Variants in MRPS6 observed in about 807,000 individuals in gnomAD.
MRPS6 encodes mitochondrial ribosomal protein S6, also known as small ribosomal subunit protein bS6m.
Under a neutral mutation model 13.1 loss-of-function variants are expected in MRPS6, and 6 were observed. That is an observed-to-expected ratio of 0.46 (90% CI 0.25 to 0.91). MRPS6 has a LOEUF of 0.91. Ranked by LOEUF, MRPS6 falls within the 40% of genes least tolerant of loss-of-function variation. The probability of loss-of-function intolerance (pLI) is 0.18; values close to 1 mark genes in which losing one functional copy is unlikely to be tolerated. For synonymous variants in MRPS6, 61 were observed against 56.5 expected, an observed-to-expected ratio of 1.08 and a Z score of -0.36; for missense variants, 164 against 155.6, an observed-to-expected ratio of 1.05 and a Z score of -0.29.
intron 1 of MRPS6, chr21:34,095,617 C>T: frequency 1.9e-6 from 3 of 1,613,680 alleles, no homozygotes; most frequent in Non-Finnish European, 2.5e-6. Context: ...ACCAAGCTCT[C>T]GGTGGATCTG....
intron 1 of MRPS6, among the ~76,000 whole-genome samples, chr21:34,112,680 A>G (rs892770362): frequency 2.6e-5 from 4 of 152,146 alleles, no homozygotes; most frequent in South Asian, 2.1e-4. Flanking sequence ...TCCTCTGTCT[A>G]TGATTATATA....
At chr21:34,084,331 C>T (rs1022748947) in intron 1 of MRPS6, among the ~76,000 whole-genome samples, 1 of 152,036 alleles carries the variant, frequency 6.6e-6, no homozygotes, top group Non-Finnish European at 1.5e-5. Flanking sequence ...TGAGCAGAAG[C>T]GATTTCCTTC....
At position 34,090,563 on chromosome 21, in the gene MRPS6, G is replaced by T. The variant is rs2898205; in HGVS notation, c.45+16818G>T. Reference sequence around the variant, plus strand: ...TAATCTTTCTATATATAAATAACTTGGGAAAATCCTAATATGCCTTGCACA... The same window carrying T: ...TAATCTTTCTATATATAAATAACTTTGGAAAATCCTAATATGCCTTGCACA... On this transcript the variant is annotated intron_variant, in intron 1 of 2. Coordinates refer to ENST00000399312, the MANE Select transcript of MRPS6 (RefSeq NM_032476.4). 1.2e-3 allele frequency among the ~76,000 whole-genome samples: 188 copies of T among 152,126 alleles called. 5 individuals carry two copies. The East Asian group carries it at 0.026, about 21-fold the overall frequency.
In MRPS6 at chr21:34,096,454, T is replaced by G; in HGVS notation, c.45+22709T>G. ...GGGAGGATATTTGTGGCATTTATGG[T>G]GGTGATCAGCATAGCATGGGTGCCA... On this transcript the variant is annotated intron_variant, in intron 1 of 2. Transcript: ENST00000399312. This position sits in a 1 kb window ranked among gnomAD's most constrained non-coding sequence, Gnocchi z 5.9. 6.2e-7 allele frequency: 1 copy of G among 1,614,160 alleles called. No individual in the cohort carries two copies. Among genetic ancestry groups the G allele is most frequent in the Non-Finnish European group, 8.5e-7 (1 of 1,180,014 alleles).
At chr21:34,109,309 C>T (rs1979604894) in intron 1 of MRPS6, among the ~76,000 whole-genome samples, 2 of 152,110 alleles carry the variant, frequency 1.3e-5, no homozygotes, top group Admixed American at 6.6e-5. Context: ...GGGTGGAGCA[C>T]GCTGGCATCA....
intron 1 of MRPS6, among the ~76,000 whole-genome samples, chr21:34,117,307 C>T (rs1569422282): frequency 6.6e-6 from 1 of 152,118 alleles, no homozygotes; most frequent in Non-Finnish European, 1.5e-5. Flanking sequence ...TTAGTTCAGA[C>T]CCACTCTGAG....
At chr21:34,074,861 C>T (rs958179322) in intron 1 of MRPS6, among the ~76,000 whole-genome samples, 2 of 152,164 alleles carry the variant, frequency 1.3e-5, no homozygotes, top group African/African-American at 4.8e-5. Context: ...CTAACAATCA[C>T]GGAGCGTCGG....
intron 1 of MRPS6, among the ~76,000 whole-genome samples, chr21:34,118,545 CT>C (rs1255716155): frequency 6.9e-6 from 1 of 144,390 alleles, no homozygotes; most frequent in Non-Finnish European, 1.5e-5. Flanking sequence ...CTCCACATTT[CT>C]TTCTTTCTTT....
At chr21:34,088,566 G>A (rs1253214757) in intron 1 of MRPS6, among the ~76,000 whole-genome samples, 1 of 152,100 alleles carries the variant, frequency 6.6e-6, no homozygotes. Context: ...TTTTAAACAC[G>A]CATGATCTTT....
At chr21:34,105,711 A>G (rs923120595) in intron 1 of MRPS6, 1 of 998,352 alleles carries the variant, frequency 1.0e-6, no homozygotes, top group African/African-American at 1.7e-5. Flanking sequence ...TGAATTGTAA[A>G]TGGATTTCCA....
intron 2 of MRPS6, among the ~76,000 whole-genome samples, chr21:34,133,186 C>A (rs1033406186): frequency 2.0e-5 from 3 of 152,192 alleles, no homozygotes; most frequent in African/African-American, 7.2e-5. Context: ...TTATGAAAGA[C>A]ACTTCTTTTT....
At chr21:34,090,714 T>C (rs186527384) in intron 1 of MRPS6, among the ~76,000 whole-genome samples, 7 of 152,312 alleles carry the variant, frequency 4.6e-5, no homozygotes, top group African/African-American at 1.7e-4. Context: ...CTCTGTTACT[T>C]ATTCCTTATA....
intron 1 of MRPS6, among the ~76,000 whole-genome samples, chr21:34,092,779 A>G (rs77389469): frequency 9.3e-4 from 141 of 152,286 alleles, no homozygotes; most frequent in Middle Eastern, 3.4e-3. Context: ...CCCAACGGCC[A>G]GATGAAACCA....
chr21:34,086,266 A>G (rs1322150593), intron 1 of MRPS6, among the ~76,000 whole-genome samples: 3 of 152,322 alleles, frequency 2.0e-5, no homozygotes, highest in Middle Eastern at 3.4e-3. Flanking sequence ...GGGATAGATC[A>G]CATCAAGAGG....
chr21:34,097,043 A>G, intron 1 of MRPS6: 1 of 1,614,152 alleles, frequency 6.2e-7, no homozygotes, highest in South Asian at 1.1e-5. Context: ...AGGGCAACCC[A>G]GTGGCATCCT....
intron 2 of MRPS6, among the ~76,000 whole-genome samples, chr21:34,140,132 T>C (rs1980858030): frequency 6.6e-6 from 1 of 152,144 alleles, no homozygotes; most frequent in African/African-American, 2.4e-5. Flanking sequence ...TTTGGGGATT[T>C]CTCCTCTCTC....
At chr21:34,086,904 G>A (rs1978417583) in intron 1 of MRPS6, among the ~76,000 whole-genome samples, 1 of 152,154 alleles carries the variant, frequency 6.6e-6, no homozygotes, top group Non-Finnish European at 1.5e-5. Context: ...ATTGTTGCTT[G>A]CCGGCACTGA....
chr21:34,084,711 G>T (rs140313043), intron 1 of MRPS6, among the ~76,000 whole-genome samples: 3 of 152,158 alleles, frequency 2.0e-5, no homozygotes, highest in African/African-American at 7.2e-5. Context: ...GGTAAATACA[G>T]TAGTTTAATG....
At chr21:34,139,939 C>T (rs1026056394) in intron 2 of MRPS6, among the ~76,000 whole-genome samples, 6 of 152,056 alleles carry the variant, frequency 3.9e-5, no homozygotes, top group African/African-American at 1.4e-4. Context: ...GTAGTTGTTT[C>T]ACCTTTCTCA....
Sources: allele counts gnomAD v4.1 joint callset (sites outside exome capture counted in the v4.1 genomes callset), GRCh38; gene constraint gnomAD v4.1.1; non-coding constraint Gnocchi (gnomAD v3.1); transcripts MANE v1.5; gene names NCBI Gene and HGNC (gene_info 2026-07-23, HGNC 2026-07-21).